The following FRK variants were observed in gnomAD, a reference collection of about 807,000 sequenced individuals.
FRK encodes the protein tyrosine-protein kinase FRK.
A neutral mutation model predicts 56.4 loss-of-function variants in FRK; 51 were observed. The observed-to-expected ratio is 0.90, with a 90% confidence interval of 0.72 to 1.14. FRK has a LOEUF of 1.14. Ranked by LOEUF, FRK falls within the 50% of genes most tolerant of loss-of-function variation. The pLI, the probability that FRK is intolerant of heterozygous loss-of-function variation, is 0.00. For synonymous variants in FRK, 245 were observed against 217.9 expected (o/e 1.12, Z -1.10); for missense variants, 570 against 601.4 (o/e 0.95, Z 0.55).
At chr6:116,068,288 G>A in the FRK span, among the ~76,000 whole-genome samples, 1 of 152,008 alleles carries the variant, frequency 6.6e-6, no homozygotes, top group Non-Finnish European at 1.5e-5. Flanking sequence ...TGGCCAAAGA[G>A]TATAATCCTC....
At chr6:116,022,024 TA>T (rs575465312) in intron 1 of FRK, among the ~76,000 whole-genome samples, 2 of 151,736 alleles carry the variant, frequency 1.3e-5, no homozygotes, top group African/African-American at 4.8e-5. Context: ...ATTAAATTAA[TA>T]AAAAAAATGT....
At chr6:115,969,545 G>A (rs1562263466) in intron 2 of FRK, among the ~76,000 whole-genome samples, 1 of 152,176 alleles carries the variant, frequency 6.6e-6, no homozygotes, top group Non-Finnish European at 1.5e-5. Flanking sequence ...TTCTCTGAAA[G>A]CGTGTGGTCC....
At chr6:115,951,798 T>C (rs991109069) in intron 5 of FRK, among the ~76,000 whole-genome samples, 1 of 152,204 alleles carries the variant, frequency 6.6e-6, no homozygotes, top group Admixed American at 6.5e-5. Context: ...GTAGCCTCAG[T>C]ACTGCCTAAG....
At chr6:116,039,128 T>C in intron 1 of FRK, 1 of 882,264 alleles carries the variant, frequency 1.1e-6, no homozygotes, top group Non-Finnish European at 1.9e-6. Context: ...AGTAATCGCT[T>C]GCACTGGGGA....
intron 1 of FRK, among the ~76,000 whole-genome samples, chr6:116,043,540 G>T (rs575404407): frequency 6.6e-6 from 1 of 151,998 alleles, no homozygotes; most frequent in Non-Finnish European, 1.5e-5. Flanking sequence ...TGAAACCAAC[G>T]AGAACAAAGA....
rs878894136 is a variant in FRK, at chr6:115,943,525, G to T, written c.1141-340C>A. Among the ~76,000 whole-genome samples the T allele has an allele frequency of 3.4e-5, 5 of 145,870 alleles. No individual in the cohort carries two copies. In the Admixed American group the frequency reaches 3.4e-4, roughly 10 times the overall value. Reference sequence around the variant, plus strand: ...AAAAAAAAAGGAAGCAAAGTCTATTGTTTGATTTACTGATGATATTGAAAA... The same window carrying T: ...AAAAAAAAAGGAAGCAAAGTCTATTTTTTGATTTACTGATGATATTGAAAA... On this transcript the variant is annotated intron_variant, in intron 6 of 7. Coordinates refer to ENST00000606080, the MANE Select transcript of FRK (RefSeq NM_002031.3).
intron 1 of FRK, among the ~76,000 whole-genome samples, chr6:116,055,524 A>G (rs1273572414): frequency 6.6e-6 from 1 of 152,228 alleles, no homozygotes; most frequent in Admixed American, 6.5e-5. Flanking sequence ...CAAAGACACC[A>G]TCGTAGGTCA....
intron 1 of FRK, among the ~76,000 whole-genome samples, chr6:116,023,893 G>C (rs1775974375): frequency 6.6e-6 from 1 of 151,860 alleles, no homozygotes; most frequent in African/African-American, 2.4e-5. Context: ...ACGTAAGAAA[G>C]AATAATTTTT....
intron 2 of FRK, among the ~76,000 whole-genome samples, chr6:115,986,613 A>G (rs1416124372): frequency 6.6e-6 from 1 of 152,184 alleles, no homozygotes; most frequent in Non-Finnish European, 1.5e-5. Context: ...ACAGTGTTTT[A>G]AAGAGGTGAT....
At chr6:116,000,427 G>A (rs1468638030) in intron 2 of FRK, among the ~76,000 whole-genome samples, 1 of 151,494 alleles carries the variant, frequency 6.6e-6, no homozygotes, top group Non-Finnish European at 1.5e-5. Context: ...ATTTTTAGTA[G>A]AGACAGGGTT....
chr6:116,058,300 A>G (rs1777472261), intron 1 of FRK, among the ~76,000 whole-genome samples: 1 of 152,200 alleles, frequency 6.6e-6, no homozygotes, highest in Non-Finnish European at 1.5e-5. Flanking sequence ...CACACAGGTG[A>G]TTTTCCCACT....
chr6:116,002,445 C>T (rs1416334169), intron 2 of FRK, among the ~76,000 whole-genome samples: 1 of 152,092 alleles, frequency 6.6e-6, no homozygotes, highest in Non-Finnish European at 1.5e-5. Context: ...GGTGAAATCC[C>T]GTCCCAACTG....
In FRK at chr6:115,971,127, T is replaced by A. The variant is rs116745726; in HGVS notation, c.467-2388A>T. Among the ~76,000 whole-genome samples, 919 of 152,286 alleles carry A rather than the reference T, an allele frequency of 6.0e-3. 8 individuals carry two copies. The highest frequency in any genetic ancestry group is 0.021 in the African/African-American group (873 of 41,548). The stretch of plus-strand genomic sequence containing the variant: ...AATTTAAAAGAATACTTTTAAAATG[T>A]CAGTGTTTTGCTTCTCTTTATGAAC... On this transcript the variant is annotated intron_variant, in intron 2 of 7. Coordinates refer to ENST00000606080, the MANE Select transcript of FRK (RefSeq NM_002031.3).
chr6:116,075,505 A>G, the FRK span, among the ~76,000 whole-genome samples: 4 of 149,720 alleles, frequency 2.7e-5, no homozygotes, highest in Admixed American at 2.0e-4. Context: ...TTTTCCTCCC[A>G]GAAGTTGGTA....
At position 115,967,707 on chromosome 6, in the gene FRK, C is replaced by T. The variant is rs939660570; in HGVS notation, c.643G>A (p.Ala215Thr). ...GTTTTATACGACAAATCAAATGGAG[C>T]TGGGACCTGGATCTGTTTCATAGAA... is the stretch of plus-strand genomic sequence containing the variant. ...GKPCLKIQVP[A>T]PFDLSYKTVD... The change falls in exon 4 of 8, where the codon GCT (alanine) becomes ACT (threonine). Residue 215 changes from alanine (A) to threonine (T), a missense_variant. Physicochemically the swap from Ala to Thr is moderately conservative, Grantham distance 58. Transcript: ENST00000606080. The T allele has an allele frequency of 2.5e-6, 4 of 1,604,126 alleles. No homozygotes were observed. Among genetic ancestry groups the T allele is most frequent in the Non-Finnish European group, 3.4e-6 (4 of 1,174,660 alleles).
intron 2 of FRK, among the ~76,000 whole-genome samples, chr6:115,993,507 A>T (rs78684440): frequency 2.6e-5 from 4 of 151,932 alleles, no homozygotes; most frequent in African/African-American, 9.6e-5. Context: ...TTTGCTTGAA[A>T]CACTGTATTT....
Position 115,943,014 on chromosome 6 carries a change from A to G in FRK, c.1306+6T>C, listed in dbSNP as rs781672641. On this transcript the variant is annotated splice_donor_region_variant and intron_variant, in intron 7 of 7. Coordinates refer to ENST00000606080, the MANE Select transcript of FRK (RefSeq NM_002031.3). Reference sequence around the variant, plus strand: ...AGAAAGGTCCACTTCAGAATTAATTACTCACCACTGTAAGGCATTTTGCCA... The same window carrying G: ...AGAAAGGTCCACTTCAGAATTAATTGCTCACCACTGTAAGGCATTTTGCCA... The G allele has an allele frequency of 6.2e-6, 10 of 1,607,912 alleles. No individual in the cohort carries two copies. In the South Asian group the frequency reaches 1.0e-4, roughly 16 times the overall value.
intron 1 of FRK, among the ~76,000 whole-genome samples, chr6:116,012,330 T>A (rs1775504284): frequency 6.6e-6 from 1 of 152,194 alleles, no homozygotes. Flanking sequence ...AGCCACTTCT[T>A]CAACTTTATC....
At chr6:116,032,924 T>A (rs773931605) in intron 1 of FRK, among the ~76,000 whole-genome samples, 10 of 152,058 alleles carry the variant, frequency 6.6e-5, no homozygotes, top group Admixed American at 1.3e-4. Context: ...AAAATAAAAA[T>A]TTTTAAATTA....
Sources: gnomAD v4.1 joint callset for allele counts (sites outside exome capture counted in the v4.1 genomes callset) on GRCh38, gnomAD v4.1.1 for gene constraint, MANE v1.5 for transcripts, NCBI Gene and HGNC (gene_info 2026-07-23, HGNC 2026-07-21) for gene names.